The following NFATC2 variants were observed in gnomAD, a reference collection of about 807,000 sequenced individuals.
The protein encoded by NFATC2 is nuclear factor of activated T cells 2.
A neutral mutation model predicts 87.3 loss-of-function variants in NFATC2; 22 were observed. The ratio of observed to expected loss-of-function variants is 0.25; its 90% CI spans 0.18 to 0.36. The LOEUF (loss-of-function observed/expected upper bound fraction) is 0.36. NFATC2 is among the 10% of genes least tolerant of loss of function. The pLI is 1.00. For missense variants in NFATC2, 1,149 were observed against 1,259.1 expected, an observed-to-expected ratio of 0.91 and a Z score of 1.32; for synonymous variants, 565 against 542.2, an observed-to-expected ratio of 1.04 and a Z score of -0.58.
chr20:51,466,211 C>T (rs748938118), intron 5 of NFATC2, among the ~76,000 whole-genome samples: 9 of 152,330 alleles, frequency 5.9e-5, no homozygotes, highest in Admixed American at 3.9e-4. Context: ...CACCACCACA[C>T]CTGGCTAACT....
chr20:51,412,150 A>G (rs554820478), intron 9 of NFATC2, among the ~76,000 whole-genome samples: 1 of 152,266 alleles, frequency 6.6e-6, no homozygotes, highest in African/African-American at 2.4e-5. Context: ...GAACTCTGAT[A>G]ATAAGAAACC....
At chr20:51,475,435 C>G (rs761312135) in intron 4 of NFATC2, 23 bp downstream of exon 4, 2 of 1,612,324 alleles carry the variant, frequency 1.2e-6, no homozygotes, top group African/African-American at 2.7e-5. Flanking sequence ...GAAGACCCGC[C>G]GCCCTCAGCT....
chr20:51,455,351 T>C (rs1986286281), intron 5 of NFATC2, among the ~76,000 whole-genome samples: 1 of 152,044 alleles, frequency 6.6e-6, no homozygotes, highest in East Asian at 2.0e-4. Flanking sequence ...TCCTAGTGTC[T>C]GTCCTCCCCA....
rs568438427 is a variant in NFATC2 at position 51,452,819 on chromosome 20, G to A, written c.1849+1729C>T. On this transcript the variant is annotated intron_variant, in intron 6 of 10. Coordinates refer to ENST00000371564, the MANE Select transcript of NFATC2 (RefSeq NM_012340.5). ...AGCACTTCCGGTGCTAAGCCCACTTGCTCTAATTCATTCAGACCTTACCTT... is the reference window on the plus strand; with the variant it reads ...AGCACTTCCGGTGCTAAGCCCACTTACTCTAATTCATTCAGACCTTACCTT... 8.4e-5 allele frequency: 13 copies of A among 154,180 alleles called. No homozygotes were observed. The South Asian group carries it at 1.6e-3, about 19-fold the overall frequency. 9.6% of individuals were successfully genotyped at this position (154,180 alleles called of 1,614,324 possible). A position where few individuals can be genotyped will look rare whatever the true frequency, so the allele number is the denominator to read the frequency against.
At chr20:51,474,757 C>G (rs985458092) in intron 4 of NFATC2, among the ~76,000 whole-genome samples, 2 of 151,896 alleles carry the variant, frequency 1.3e-5, no homozygotes, top group Admixed American at 1.3e-4. Context: ...TTTTTTTAAC[C>G]CCAAAATGTG....
chr20:51,453,827 A>G (rs1252515323), intron 6 of NFATC2, among the ~76,000 whole-genome samples: 1 of 152,238 alleles, frequency 6.6e-6, no homozygotes, highest in Non-Finnish European at 1.5e-5. Flanking sequence ...TTCAATTTGT[A>G]GATTTCTGGA....
chr20:51,521,699 A>C (rs1457600024), intron 2 of NFATC2, among the ~76,000 whole-genome samples: 1 of 152,254 alleles, frequency 6.6e-6, no homozygotes, highest in African/African-American at 2.4e-5. Context: ...AACCACAGGG[A>C]TCGTGGTAAT....
chr20:51,436,745 A>C (rs1261374332), intron 6 of NFATC2, among the ~76,000 whole-genome samples: 1 of 151,996 alleles, frequency 6.6e-6, no homozygotes, highest in African/African-American at 2.4e-5. Flanking sequence ...CAAACAAATA[A>C]ATAAGTAAAT....
chr20:51,458,485 T>A (rs895163874), intron 5 of NFATC2, among the ~76,000 whole-genome samples: 6 of 151,728 alleles, frequency 4.0e-5, no homozygotes, highest in Admixed American at 2.0e-4. Context: ...GACCCCAGCA[T>A]TGTTTTTATC....
intron 9 of NFATC2, among the ~76,000 whole-genome samples, chr20:51,427,465 G>A (rs768215215): frequency 6.6e-6 from 1 of 152,136 alleles, no homozygotes; most frequent in Non-Finnish European, 1.5e-5. Context: ...CAGGGCCTGC[G>A]GGGCACACTC....
At chr20:51,397,034 G>GCGTAGCTGGGATTACAC in intron 10 of NFATC2, among the ~76,000 whole-genome samples, 1 of 21,728 alleles carries the variant, frequency 4.6e-5, no homozygotes, top group Non-Finnish European at 7.1e-5. Context: ...ACCTCCTAAG[G>GCGTAGCTGGGATTACAC]GAACCTGCCA....
intron 3 of NFATC2, among the ~76,000 whole-genome samples, chr20:51,477,017 T>C (rs1988775540): frequency 6.6e-6 from 1 of 152,144 alleles, no homozygotes; most frequent in African/African-American, 2.4e-5. Context: ...TAAACACTCT[T>C]TGACCCAGTA....
rs561006809 is a variant in NFATC2, at chr20:51,523,692, G to A, written c.549C>T (p.Phe183=). Residue 183 remains phenylalanine, a synonymous_variant, in exon 2 of 11, where the codon TTC becomes TTT. Transcript: ENST00000371564. The surrounding 1 kb of genome is among the most constrained non-coding windows in gnomAD (Gnocchi z 6.9). ...GSSASFISDT[F]SPYTSPCVSP... is the part of the protein sequence containing the mutation. ...AGACGCAGGGCGAGGTGTAGGGGGA[G>A]AAGGTGTCAGAAATGAAGCTGGCAG... 1 of 1,613,100 alleles carries A rather than the reference G, an allele frequency of 6.2e-7. No homozygotes were observed. The highest frequency in any genetic ancestry group is 2.2e-5 in the East Asian group (1 of 44,840).
At chr20:51,543,975 A>ATGTTTTTTTTTTTTTT (rs2076864594), upstream of NFATC2, among the ~76,000 whole-genome samples, 1 of 72,958 alleles carries the variant, frequency 1.4e-5, no homozygotes, top group Non-Finnish European at 2.4e-5. Flanking sequence ...AGAATTCCTA[A>ATGTTTTTTTTTTTTTT]TTTTTTTTTT....
chr20:51,397,641 T>C (rs893420745), intron 10 of NFATC2, among the ~76,000 whole-genome samples: 4 of 152,128 alleles, frequency 2.6e-5, no homozygotes, highest in Non-Finnish European at 4.4e-5. Flanking sequence ...ATTCCTCAGA[T>C]GCAAAAAGTC....
intron 9 of NFATC2, among the ~76,000 whole-genome samples, chr20:51,424,757 C>T (rs1981504470): frequency 6.6e-6 from 1 of 152,020 alleles, no homozygotes; most frequent in Non-Finnish European, 1.5e-5. Flanking sequence ...GAAGTTTCCA[C>T]CCATGGGGGA....
chr20:51,499,589 C>G (rs749010217), intron 3 of NFATC2, among the ~76,000 whole-genome samples: 1 of 151,728 alleles, frequency 6.6e-6, no homozygotes, highest in Non-Finnish European at 1.5e-5. Flanking sequence ...CCGTCTCTAC[C>G]AAAAATACAA....
At chr20:51,407,080 G>C (rs1978436742) in intron 9 of NFATC2, among the ~76,000 whole-genome samples, 1 of 152,196 alleles carries the variant, frequency 6.6e-6, no homozygotes, top group South Asian at 2.1e-4. Context: ...CAGGGCCTTT[G>C]CACCTGCTGT....
chr20:51,534,255 G>C (rs2076683531), intron 1 of NFATC2, among the ~76,000 whole-genome samples: 1 of 151,358 alleles, frequency 6.6e-6, no homozygotes, highest in Non-Finnish European at 1.5e-5. Flanking sequence ...GCGGGGGCCA[G>C]GGGGAGGGGC....
Sources: gnomAD v4.1 joint callset for allele counts (sites outside exome capture counted in the v4.1 genomes callset) on GRCh38, gnomAD v4.1.1 for gene constraint, Gnocchi (gnomAD v3.1) non-coding constraint, MANE v1.5 for transcripts, NCBI Gene and HGNC (gene_info 2026-07-23, HGNC 2026-07-21) for gene names.